TLR7: variants seen among roughly 807,000 people sequenced by gnomAD.
The protein encoded by TLR7 is toll like receptor 7.
In TLR7, 12 loss-of-function variants were observed where a neutral mutation model predicts 38.3. The observed-to-expected ratio is 0.31, with a 90% CI of 0.20 to 0.51. TLR7 has a LOEUF of 0.51. Among genes scored for constraint, TLR7 ranks in the 20% least tolerant of loss-of-function variants. The probability of loss-of-function intolerance (pLI) is 0.98; values close to 1 mark genes in which losing one functional copy is unlikely to be tolerated. For synonymous variants in TLR7, 285 were observed against 293.8 expected (o/e 0.97, Z 0.31); for missense variants, 504 against 743.4 (o/e 0.68, Z 3.74).
chrX:12,882,401 T>C (rs980201739), intron 2 of TLR7, among the ~76,000 whole-genome samples: 2 of 108,754 alleles, frequency 1.8e-5, no homozygotes, highest in African/African-American at 6.7e-5. Context: ...GAGGTGGTAA[T>C]AGTCAAAGAG....
chrX:12,881,535 TAAATAATA>T (rs1166558083), intron 2 of TLR7, among the ~76,000 whole-genome samples: 1 of 104,426 alleles, frequency 9.6e-6, no homozygotes, highest in African/African-American at 3.8e-5. Flanking sequence ...TTCTTTTTAA[TAAATAATA>T]AATGAGTTAT....
At chrX:12,877,324 G>GA (rs2042875407) in intron 2 of TLR7, 1 of 95,286 alleles carries the variant, frequency 1.0e-5, no homozygotes, top group African/African-American at 4.2e-5. Context: ...CCCTTCACCT[G>GA]CTTTTTTTTT....
chrX:12,880,358 C>T (rs190238600), intron 2 of TLR7, among the ~76,000 whole-genome samples: 201 of 112,058 alleles, frequency 1.8e-3, no homozygotes, highest in Non-Finnish European at 3.2e-3. Context: ...GGAGTAGAAC[C>T]CAGTTCTTCC....
At chrX:12,881,400 T>TATTTATTCTTTTTAATAAATAAATGAGTC (rs1569108410) in intron 2 of TLR7, among the ~76,000 whole-genome samples, 2 of 100,054 alleles carry the variant, frequency 2.0e-5, no homozygotes, top group East Asian at 2.8e-4. Context: ...ATAAATGAGT[T>TATTTATTCTTTTTAATAAATAAATGAGTC]ATTTATTCTT....
At chrX:12,876,119 C>A (rs1002313904) in intron 2 of TLR7, among the ~76,000 whole-genome samples, 1 of 110,445 alleles carries the variant, frequency 9.1e-6, no homozygotes, top group African/African-American at 3.3e-5. Flanking sequence ...CCACCATGCC[C>A]GGCTAATTTT....
chrX:12,873,057 C>A (rs1404113432), intron 2 of TLR7, among the ~76,000 whole-genome samples: 1 of 111,510 alleles, frequency 9.0e-6, no homozygotes, highest in Non-Finnish European at 1.9e-5. Context: ...TTCTCCTACA[C>A]CCCCTGCTTC....
intron 2 of TLR7, among the ~76,000 whole-genome samples, chrX:12,883,514 AAAAAT>A (rs2042899548): frequency 8.9e-6 from 1 of 111,963 alleles, no homozygotes; most frequent in African/African-American, 3.2e-5. Flanking sequence ...TCATACTGTA[AAAAAT>A]AAAATAAAAT....
In TLR7 at chrX:12,887,410, A is replaced by T; in HGVS notation, c.1902A>T (p.Leu634Phe). 1 of 1,210,173 alleles carries T rather than the reference A, an allele frequency of 8.3e-7. No individual in the cohort carries two copies. Residue 634 changes from leucine (L) to phenylalanine (F), a missense_variant, in exon 3 of 3, where the codon TTA (leucine) becomes TTT (phenylalanine). Transcript: ENST00000380659. ...TCAGAGGAAATCACTTAGATGTTTT[A>T]TGGAGAGAAGGTGATAACAGATACT... ...LEFRGNHLDV[L>F]WREGDNRYLQ...
In TLR7 at chrX:12,885,934, A is replaced by G. The variant is rs779884561; in HGVS notation, c.426A>G (p.Ile142Met). 52 of 1,210,441 alleles carry G rather than the reference A, an allele frequency of 4.3e-5. 2 individuals are homozygous for G. In the South Asian group the frequency reaches 9.0e-4, roughly 21 times the overall value. The change falls in exon 3 of 3, where the codon ATA (isoleucine) becomes ATG (methionine). Residue 142 changes from isoleucine (I) to methionine (M), a missense_variant. Physicochemically the swap from Ile to Met is conservative, Grantham distance 10. Coordinates refer to ENST00000380659, the MANE Select transcript of TLR7 (RefSeq NM_016562.4). ...LYLDGNQLLE[I>M]PQGLPPSLQL... ...TGGATGGAAACCAGCTACTAGAGAT[A>G]CCGCAGGGCCTCCCGCCTAGCTTAC...
In TLR7 at chrX:12,885,583, T is replaced by C. The variant is rs147937650; in HGVS notation, c.75T>C (p.Leu25=). ...LFNIILISKL[L]GARWFPKTLP... ...ACATAATCCTAATTTCCAAACTCCTTGGGGCTAGATGGTTTCCTAAAACTC... is the reference window on the plus strand; with the variant it reads ...ACATAATCCTAATTTCCAAACTCCTCGGGGCTAGATGGTTTCCTAAAACTC... The change falls in exon 3 of 3, where the codon CTT becomes CTC. Residue 25 remains leucine, a synonymous_variant. Coordinates refer to ENST00000380659, the MANE Select transcript of TLR7 (RefSeq NM_016562.4). 9 of 1,209,391 alleles carry C rather than the reference T, an allele frequency of 7.4e-6. No individual in the cohort carries two copies. In the African/African-American group the frequency reaches 1.6e-4, roughly 21 times the overall value.
Position 12,873,863 on chromosome X carries a change from G to A in TLR7, c.3+6282G>A, listed in dbSNP as rs376000076. Among the ~76,000 whole-genome samples the A allele has an allele frequency of 2.3e-4, 26 of 111,502 alleles. No individual in the cohort carries two copies. In the East Asian group the frequency reaches 3.6e-3, roughly 16 times the overall value. On this transcript the variant is annotated intron_variant, in intron 2 of 2. Transcript: ENST00000380659. The stretch of plus-strand genomic sequence containing the variant: ...TAGATCATGCATAGCTTTTTATGTC[G>A]ATACCCACAGCTCTACCACATTCTT...
At chrX:12,876,980 G>A (rs568134394) in intron 2 of TLR7, among the ~76,000 whole-genome samples, 2 of 110,878 alleles carry the variant, frequency 1.8e-5, no homozygotes, top group East Asian at 5.6e-4. Context: ...GTATCAGATG[G>A]ACAAAACAGA....
rs1226132825 is a variant in TLR7, at chrX:12,888,885, G to C, written c.*227G>C. 9.4e-6 allele frequency: 3 copies of C among 319,463 alleles called. No homozygotes were observed. The Admixed American group carries it at 1.6e-4, about 18-fold the overall frequency. 26.3% of individuals were successfully genotyped at this position (319,463 alleles called of 1,213,427 possible). On this transcript the variant is annotated 3_prime_UTR_variant, in exon 3 of 3. Coordinates refer to ENST00000380659, the MANE Select transcript of TLR7 (RefSeq NM_016562.4). ...TCTCTGTGTCTCTATTTGCACTTGAGTCTCTCACCTCAGCTCCTGTAAAAG... is the reference window on the plus strand; with the variant it reads ...TCTCTGTGTCTCTATTTGCACTTGACTCTCTCACCTCAGCTCCTGTAAAAG...
intron 2 of TLR7, among the ~76,000 whole-genome samples, chrX:12,876,511 A>C (rs2042871248): frequency 8.9e-6 from 1 of 112,116 alleles, no homozygotes; most frequent in African/African-American, 3.2e-5. Flanking sequence ...CTGCTTCCTC[A>C]TCAGTAAAAT....
At chrX:12,872,140 T>C (rs755457381) in intron 2 of TLR7, among the ~76,000 whole-genome samples, 1 of 111,939 alleles carries the variant, frequency 8.9e-6, no homozygotes, top group South Asian at 3.7e-4. Context: ...CTTGTGTACC[T>C]ACCTAGACCA....
rs1217760385 is a variant in TLR7 at position 12,888,824 on chromosome X, G to T, written c.*166G>T. On this transcript the variant is annotated 3_prime_UTR_variant, in exon 3 of 3. Coordinates refer to ENST00000380659, the MANE Select transcript of TLR7 (RefSeq NM_016562.4). Reference sequence around the variant, plus strand: ...CGTCTGTCACAGGAGTTGGAAAGATGGGGTTTATATAATGCATCAAGTCTT... The same window carrying T: ...CGTCTGTCACAGGAGTTGGAAAGATTGGGTTTATATAATGCATCAAGTCTT... 1 of 489,005 alleles carries T rather than the reference G, an allele frequency of 2.0e-6. No homozygotes were observed. The highest frequency in any genetic ancestry group is 3.2e-6 in the Non-Finnish European group (1 of 310,238). The allele number at this position is 489,005 out of a possible 1,213,427, so 40.3% of individuals were successfully genotyped here. A position where few individuals can be genotyped will look rare whatever the true frequency, so the allele number is the denominator to read the frequency against.
intron 2 of TLR7, among the ~76,000 whole-genome samples, chrX:12,874,007 T>C (rs1352399945): frequency 1.8e-5 from 2 of 112,576 alleles, no homozygotes; most frequent in Non-Finnish European, 3.7e-5. Context: ...TGAATCAAAC[T>C]AGCAAAATAG....
At position 12,887,224 on chromosome X, in the gene TLR7, T is replaced by C. The variant is rs1444525349; in HGVS notation, c.1716T>C (p.Asp572=). The C allele has an allele frequency of 1.1e-5, 13 of 1,209,629 alleles. No homozygotes were observed. Among genetic ancestry groups the C allele is most frequent in the Non-Finnish European group, 1.1e-5 (10 of 895,021 alleles). The stretch of plus-strand genomic sequence containing the variant: ...AGCTTCACAAACTGGAAGTTCTGGA[T>C]ATAAGCAGTAATAGCCATTATTTTC... ...FEELHKLEVL[D]ISSNSHYFQS... The change falls in exon 3 of 3, where the codon GAT becomes GAC. Residue 572 remains aspartate (D), a synonymous_variant. Transcript: ENST00000380659.
chrX:12,885,631 T>G lies in TLR7; in HGVS notation c.123T>G (p.Asp41Glu), dbSNP rs757348701. 8.2e-7 allele frequency: 1 copy of G among 1,212,207 alleles called. No individual in the cohort carries two copies. Among genetic ancestry groups the G allele is most frequent in the South Asian group, 1.8e-5 (1 of 57,035 alleles). ...PKTLPCDVTL[D>E]VPKNHVIVDC... ...CTCTGCCCTGTGATGTCACTCTGGA[T>G]GTTCCAAAGAACCATGTGATCGTGG... The change falls in exon 3 of 3, where the codon GAT becomes GAG. Residue 41 changes from aspartate to glutamate, a missense_variant. Physicochemically the swap from Asp to Glu is conservative, Grantham distance 45 (BLOSUM62 2). Transcript: ENST00000380659.
Sources: gnomAD v4.1 joint callset for allele counts (sites outside exome capture counted in the v4.1 genomes callset) on GRCh38, gnomAD v4.1.1 for gene constraint, MANE v1.5 for transcripts, NCBI Gene and HGNC (gene_info 2026-07-23, HGNC 2026-07-21) for gene names.